PPARGC1B: variants seen among roughly 807,000 people sequenced by gnomAD.
PPARGC1B encodes the protein PPARG coactivator 1 beta.
PPARGC1B carries 34 observed loss-of-function variants against 101.6 expected under a neutral mutation model. The ratio of observed to expected loss-of-function variants is 0.33; its 90% CI spans 0.25 to 0.45. The LOEUF is 0.45. Ranked by LOEUF, PPARGC1B falls within the 20% of genes least tolerant of loss-of-function variation. The pLI, the probability that PPARGC1B is intolerant of heterozygous loss-of-function variation, is 1.00. For missense variants in PPARGC1B, 1,234 were observed against 1,317.6 expected (o/e 0.94, Z 0.98); for synonymous variants, 548 against 539.3 (o/e 1.02, Z -0.22).
chr5:149,848,522 G>A lies in PPARGC1B; in HGVS notation c.*964G>A, dbSNP rs971142572. On this transcript the variant is annotated 3_prime_UTR_variant, in exon 12 of 12. Transcript: ENST00000309241. ...CACCGTTTCAGGGACTGGTAGAGGT[G>A]AGTTCGGCTAAATTGGGCACCGGGC... 3 of 152,252 alleles carry A rather than the reference G, an allele frequency of 2.0e-5. No individual in the cohort carries two copies. Among genetic ancestry groups the A allele is most frequent in the African/African-American group, 7.2e-5 (3 of 41,460 alleles). The allele number at this position is 152,252 out of a possible 1,614,324, so 9.4% of individuals were successfully genotyped here. A position where few individuals can be genotyped will look rare whatever the true frequency, so the allele number is the denominator to read the frequency against.
chr5:149,820,735 G>T, intron 2 of PPARGC1B, 129 bp downstream of exon 2: 1 of 929,608 alleles, frequency 1.1e-6, no homozygotes. Context: ...CACCAAAGCT[G>T]TTGGGCCCCG....
intron 1 of PPARGC1B, among the ~76,000 whole-genome samples, chr5:149,768,352 A>G (rs928699873): frequency 1.9e-4 from 29 of 152,022 alleles, no homozygotes; most frequent in African/African-American, 6.8e-4. Flanking sequence ...TTGGCTCACT[A>G]CAACCTCCAC....
At position 149,836,315 on chromosome 5, in the gene PPARGC1B, C is replaced by T. The variant is rs149345080; in HGVS notation, c.1860C>T (p.Phe620=). 23 of 1,612,452 alleles carry T rather than the reference C, an allele frequency of 1.4e-5. No homozygotes were observed. Among genetic ancestry groups the T allele is most frequent in the Non-Finnish European group, 1.9e-5 (22 of 1,179,334 alleles). Residue 620 remains phenylalanine (F), a synonymous_variant, in exon 8 of 12, where the codon TTC becomes TTT. Transcript: ENST00000309241. ...PPYKPTEEDP[F]KPDIKHSLGK... ...ACAAGCCCACAGAGGAGGATCCCTT[C>T]AAACCAGACATCAAGCATAGTCTAG...
At chr5:149,739,742 C>G (rs1580998245) in intron 1 of PPARGC1B, among the ~76,000 whole-genome samples, 1 of 152,324 alleles carries the variant, frequency 6.6e-6, no homozygotes, top group East Asian at 1.9e-4. Flanking sequence ...CACCCCTGGA[C>G]AGACTGCATT....
downstream of PPARGC1B, among the ~76,000 whole-genome samples, chr5:149,857,204 ATTG>A (rs1418369542): frequency 2.6e-5 from 4 of 152,128 alleles, no homozygotes; most frequent in African/African-American, 9.7e-5. Context: ...CCCTTGGAGT[ATTG>A]TTGTTAGGAT....
At chr5:149,770,821 T>G (rs1477675186) in intron 1 of PPARGC1B, among the ~76,000 whole-genome samples, 4 of 150,636 alleles carry the variant, frequency 2.7e-5, no homozygotes, top group African/African-American at 9.8e-5. Context: ...AGCAAGACCC[T>G]GTCTCTTAAA....
chr5:149,779,307 C>A (rs934522258), intron 1 of PPARGC1B, among the ~76,000 whole-genome samples: 2 of 152,220 alleles, frequency 1.3e-5, no homozygotes, highest in African/African-American at 4.8e-5. Context: ...CCATGCCTGG[C>A]ACGATCTCAG....
chr5:149,816,050 CA>C (rs111617167), intron 1 of PPARGC1B, among the ~76,000 whole-genome samples: 2,193 of 152,266 alleles, frequency 0.014, 40 homozygotes, highest in African/African-American at 0.049. Flanking sequence ...CCTCCCGGGA[CA>C]GGACAAGAAG....
chr5:149,781,089 C>T (rs1756580059), intron 1 of PPARGC1B, among the ~76,000 whole-genome samples: 3 of 151,996 alleles, frequency 2.0e-5, no homozygotes. Flanking sequence ...CCTGTCATCC[C>T]AGCTACTTGG....
At chr5:149,804,374 C>G (rs1261506042) in intron 1 of PPARGC1B, among the ~76,000 whole-genome samples, 1 of 152,158 alleles carries the variant, frequency 6.6e-6, no homozygotes, top group East Asian at 1.9e-4. Flanking sequence ...CCATGCTATG[C>G]TTAAAACACA....
At chr5:149,793,420 TA>T (rs1757095299) in intron 1 of PPARGC1B, among the ~76,000 whole-genome samples, 1 of 152,120 alleles carries the variant, frequency 6.6e-6, no homozygotes, top group Non-Finnish European at 1.5e-5. Flanking sequence ...GTGTGCTGTT[TA>T]AAAGAAGGCC....
chr5:149,828,218 C>G (rs1484670473), intron 3 of PPARGC1B, among the ~76,000 whole-genome samples: 2 of 152,216 alleles, frequency 1.3e-5, no homozygotes, highest in East Asian at 3.9e-4. Context: ...ATGCCAGGCA[C>G]AGAATATGTT....
chr5:149,833,294 A>C lies in PPARGC1B; in HGVS notation c.1221A>C (p.Pro407=), dbSNP rs766467046. The C allele has an allele frequency of 6.2e-7, 1 of 1,613,456 alleles. No individual in the cohort carries two copies. The highest frequency in any genetic ancestry group is 1.7e-5 in the Admixed American group (1 of 60,032). ...AASPKSTGPR[P]SLRPLRLEVK... ...CACCCAAGAGCACCGGGCCCAGACC[A>C]AGCCTGCGCCCACTGCGGCTGGAGG... The change falls in exon 5 of 12, where the codon CCA becomes CCC. Residue 407 remains proline, a synonymous_variant. Coordinates refer to ENST00000309241, the MANE Select transcript of PPARGC1B (RefSeq NM_133263.4). The surrounding 1 kb of genome is among the most constrained non-coding windows in gnomAD (Gnocchi z 4.1).
Position 149,833,804 on chromosome 5 carries a change from G to A in PPARGC1B, c.1705+26G>A, listed in dbSNP as rs192402883. The A allele has an allele frequency of 3.4e-6, 5 of 1,463,374 alleles. No homozygotes were observed. In the Admixed American group the frequency reaches 1.0e-4, roughly 29 times the overall value. 90.6% of individuals were successfully genotyped at this position (1,463,374 alleles called of 1,614,324 possible). ...GTAGTCAGAGTTGGTGGTCTGCGAA[G>A]TGGGGGCAGGGATGGGGTGCAGCAT... On this transcript the variant is annotated intron_variant, in intron 5 of 11. Transcript: ENST00000309241. This position sits in a 1 kb window ranked among gnomAD's most constrained non-coding sequence, Gnocchi z 4.1.
intron 3 of PPARGC1B, among the ~76,000 whole-genome samples, chr5:149,830,056 A>AAAAAAAAC (rs1758707319): frequency 1.7e-5 from 1 of 58,564 alleles, no homozygotes; most frequent in South Asian, 5.4e-4. Flanking sequence ...AAAAAAAAAG[A>AAAAAAAAC]AAAAAAAAAA....
chr5:149,798,219 AG>A (rs1483933178), intron 1 of PPARGC1B, among the ~76,000 whole-genome samples: 1 of 152,268 alleles, frequency 6.6e-6, no homozygotes, highest in African/African-American at 2.4e-5. Flanking sequence ...CCTCCAAAGT[AG>A]CCCCATCAGC....
chr5:149,816,485 G>T (rs1758058438), intron 1 of PPARGC1B, among the ~76,000 whole-genome samples: 1 of 152,210 alleles, frequency 6.6e-6, no homozygotes, highest in South Asian at 2.1e-4. Flanking sequence ...AAAGTTAAGT[G>T]TACATTTTGT....
Position 149,785,427 on chromosome 5 carries a change from G to C in PPARGC1B, c.79-35006G>C, listed in dbSNP as rs139860059. ...GCAGAACTGGGAGAATCAAATGAGA[G>C]AGCCTAGTGCCTGACACTTAGCAAG... On this transcript the variant is annotated intron_variant, in intron 1 of 11. Transcript: ENST00000309241. Among the ~76,000 whole-genome samples the C allele has an allele frequency of 2.9e-3, 441 of 152,334 alleles. 1 individual carries two copies. The highest frequency in any genetic ancestry group is 9.8e-3 in the African/African-American group (408 of 41,580).
intron 1 of PPARGC1B, among the ~76,000 whole-genome samples, chr5:149,816,567 C>T (rs1758062036): frequency 6.6e-6 from 1 of 152,226 alleles, no homozygotes; most frequent in Admixed American, 6.5e-5. Context: ...CTCTGCCTCC[C>T]AGATTGTTCA....
Sources: gnomAD v4.1 joint callset for allele counts (sites outside exome capture counted in the v4.1 genomes callset) on GRCh38, gnomAD v4.1.1 for gene constraint, Gnocchi (gnomAD v3.1) non-coding constraint, MANE v1.5 for transcripts, NCBI Gene and HGNC (gene_info 2026-07-23, HGNC 2026-07-21) for gene names.